Variants in DNM3 observed in about 807,000 individuals in gnomAD.
DNM3 encodes dynamin-3.
Under a neutral mutation model 101.6 loss-of-function variants are expected in DNM3, and 47 were observed. The observed-to-expected ratio is 0.46, with a 90% confidence interval of 0.37 to 0.59. The LOEUF is 0.59. DNM3 is among the 20% of genes least tolerant of loss of function. The pLI is 0.00. For missense variants in DNM3, 849 were observed against 1,085.7 expected, an observed-to-expected ratio of 0.78 and a Z score of 3.06; for synonymous variants, 385 against 387.9, an observed-to-expected ratio of 0.99 and a Z score of 0.09.
At chr1:172,358,745 G>T (rs1431335591) in intron 17 of DNM3, among the ~76,000 whole-genome samples, 3 of 152,028 alleles carry the variant, frequency 2.0e-5, no homozygotes, top group Non-Finnish European at 4.4e-5. Context: ...TGCTTTTCTT[G>T]AGATAAAATA....
chr1:172,192,315 T>A (rs560197460), intron 14 of DNM3, among the ~76,000 whole-genome samples: 28 of 152,246 alleles, frequency 1.8e-4, no homozygotes, highest in African/African-American at 6.7e-4. Flanking sequence ...TTGCATATGT[T>A]GAACCAGCCT....
rs775941588 is a variant in DNM3, at chr1:172,092,830, G to T, written c.1500G>T (p.Gln500His). Residue 500 changes from glutamine (Q) to histidine (H), a missense_variant, in exon 13 of 21, where the codon CAG becomes CAT. By Grantham distance (24) the Gln-to-His change is conservative (BLOSUM62 0). Around this residue, in one of 5 missense-constraint regions of DNM3, gnomAD observed 193 missense variants for 238.4 expected, o/e 0.81. Coordinates refer to ENST00000627582, the MANE Select transcript of DNM3 (RefSeq NM_015569.5). ...TTTCCTTTGCTTTTCTCAGTGCTCA[G>T]CAGAGGAGCAGTCAGGTTCACAAGA... The part of the protein sequence containing the change: ...HEDFIGFANA[Q>H]QRSSQVHKKT... The T allele has an allele frequency of 2.6e-6, 4 of 1,557,868 alleles. No individual in the cohort carries two copies. The South Asian group carries it at 4.7e-5, about 18-fold the overall frequency.
chr1:172,092,103 T>C (rs1262720430), intron 12 of DNM3, among the ~76,000 whole-genome samples: 2 of 152,032 alleles, frequency 1.3e-5, no homozygotes, highest in African/African-American at 4.8e-5. Context: ...TAGGGGGGAT[T>C]TCAGGAGTTT....
intron 15 of DNM3, among the ~76,000 whole-genome samples, chr1:172,274,661 G>A (rs182271194): frequency 6.6e-6 from 1 of 151,356 alleles, no homozygotes; most frequent in African/African-American, 2.4e-5. Context: ...GATCAAAATG[G>A]TGAGAAATTT....
Position 172,323,930 on chromosome 1 carries a change from G to C in DNM3, c.1893+590G>C, listed in dbSNP as rs143266103. Among the ~76,000 whole-genome samples, 745 of 152,252 alleles carry C rather than the reference G, an allele frequency of 4.9e-3. 6 individuals carry two copies. Among genetic ancestry groups the C allele is most frequent in the African/African-American group, 0.016 (680 of 41,562 alleles). The stretch of plus-strand genomic sequence containing the variant: ...AAGCAGAAGGGTGTGGGGAATGCAG[G>C]GGGTGGCCAAAATGTGTATGATAGC... On this transcript the variant is annotated intron_variant, in intron 17 of 20. Transcript: ENST00000627582.
At chr1:171,967,657 C>G (rs141146767) in intron 2 of DNM3, among the ~76,000 whole-genome samples, 2 of 152,182 alleles carry the variant, frequency 1.3e-5, no homozygotes, top group Non-Finnish European at 2.9e-5. Flanking sequence ...GATTGGGAAT[C>G]GTCACCAAGT....
chr1:172,099,843 G>A (rs2054511501), intron 13 of DNM3, among the ~76,000 whole-genome samples: 1 of 152,136 alleles, frequency 6.6e-6, no homozygotes, highest in Non-Finnish European at 1.5e-5. Context: ...AATATTTGTG[G>A]AACATTGTCT....
At chr1:171,995,255 G>A (rs2045924898) in intron 4 of DNM3, among the ~76,000 whole-genome samples, 1 of 151,892 alleles carries the variant, frequency 6.6e-6, no homozygotes, top group South Asian at 2.1e-4. Flanking sequence ...ACAGGCATGT[G>A]CCACCACATC....
chr1:172,025,012 A>C lies in DNM3; in HGVS notation c.590-7390A>C, dbSNP rs188595707. Among the ~76,000 whole-genome samples the C allele has an allele frequency of 2.0e-5, 3 of 152,302 alleles. No individual in the cohort carries two copies. The East Asian group carries it at 5.8e-4, about 29-fold the overall frequency. ...GGAGCCAGGTGGTCTAGCTCAGCGGATCTCACACCCACAGAGCTCAGCAAG... is the reference window on the plus strand; with the variant it reads ...GGAGCCAGGTGGTCTAGCTCAGCGGCTCTCACACCCACAGAGCTCAGCAAG... On this transcript the variant is annotated intron_variant, in intron 4 of 20. Transcript: ENST00000627582.
rs546565143 is a variant in DNM3 at position 172,183,148 on chromosome 1, T to C, written c.1659+51860T>C. On this transcript the variant is annotated intron_variant, in intron 14 of 20. Coordinates refer to ENST00000627582, the MANE Select transcript of DNM3 (RefSeq NM_015569.5). ...GGAAAGGGGATGAGAAGATCACTGG[T>C]TTCAGTATTAATACAGATATGCACA... 6.6e-5 allele frequency among the ~76,000 whole-genome samples: 10 copies of C among 152,208 alleles called. No homozygotes were observed. The South Asian group carries it at 1.9e-3, about 28-fold the overall frequency.
intron 17 of DNM3, among the ~76,000 whole-genome samples, chr1:172,328,189 G>A (rs1014632525): frequency 1.1e-4 from 16 of 152,214 alleles, no homozygotes; most frequent in South Asian, 2.1e-4. Flanking sequence ...CTGTTGGGTC[G>A]AAAATGAAGT....
chr1:172,133,081 C>T, intron 14 of DNM3: 1 of 1,442,918 alleles, frequency 6.9e-7, no homozygotes, highest in Non-Finnish European at 9.1e-7. Flanking sequence ...AAGATGAATT[C>T]CAGGCATCTC....
At chr1:172,264,127 G>T (rs1183168045) in intron 15 of DNM3, among the ~76,000 whole-genome samples, 1 of 152,166 alleles carries the variant, frequency 6.6e-6, no homozygotes, top group Non-Finnish European at 1.5e-5. Context: ...AATTGATGTA[G>T]AGGACATAGA....
At chr1:172,304,130 G>A (rs1338174429) in intron 15 of DNM3, among the ~76,000 whole-genome samples, 2 of 148,586 alleles carry the variant, frequency 1.3e-5, no homozygotes, top group South Asian at 2.2e-4. Context: ...GTATTCAGGA[G>A]ACCCATCTCA....
intron 1 of DNM3, among the ~76,000 whole-genome samples, chr1:171,908,031 A>C (rs944746673): frequency 1.3e-5 from 2 of 152,208 alleles, no homozygotes; most frequent in African/African-American, 4.8e-5. Context: ...TATCTATATA[A>C]AATGGAAATA....
At chr1:171,841,869 C>A in intron 1 of DNM3, 52 bp downstream of exon 1, 1 of 1,561,292 alleles carries the variant, frequency 6.4e-7, no homozygotes. Context: ...GACCCCGCTG[C>A]GGGCCGTTGG....
chr1:172,063,158 G>A (rs2051378267), intron 10 of DNM3, among the ~76,000 whole-genome samples: 1 of 152,116 alleles, frequency 6.6e-6, no homozygotes, highest in South Asian at 2.1e-4. Flanking sequence ...ATTTTGTTCT[G>A]AATTTATTTT....
chr1:172,234,691 G>T (rs1325989159), intron 14 of DNM3, among the ~76,000 whole-genome samples: 3 of 151,906 alleles, frequency 2.0e-5, no homozygotes, highest in African/African-American at 7.3e-5. Context: ...CAGAGATATA[G>T]ACCAATGGAA....
intron 2 of DNM3, among the ~76,000 whole-genome samples, chr1:171,942,586 G>A (rs1010271094): frequency 3.0e-4 from 46 of 152,150 alleles, no homozygotes; most frequent in Admixed American, 2.7e-3. Flanking sequence ...CATATTGAAC[G>A]AAGTGGGCAA....
Sources: gnomAD v4.1 joint callset for allele counts (sites outside exome capture counted in the v4.1 genomes callset) on GRCh38, gnomAD v4.1.1 for gene constraint, gnomAD v4.1.1 regional missense constraint, MANE v1.5 for transcripts, NCBI Gene and HGNC (gene_info 2026-07-23, HGNC 2026-07-21) for gene names.